SH3D21: variants seen among roughly 807,000 people sequenced by gnomAD.
SH3D21 encodes the protein manchette microtubule inner protein 1, also known as SH3 domain-containing protein 21.
SH3D21 carries 83 observed loss-of-function variants against 82.1 expected under a neutral mutation model. That is an observed-to-expected ratio of 1.01 (90% CI 0.85 to 1.21). The LOEUF is 1.21. Ranked by LOEUF, SH3D21 falls within the 50% of genes most tolerant of loss-of-function variation. The pLI, the probability that SH3D21 is intolerant of heterozygous loss-of-function variation, is 0.00. For missense variants in SH3D21, 980 were observed against 962.1 expected (o/e 1.02, Z -0.25); for synonymous variants, 383 against 387.8 (o/e 0.99, Z 0.15).
chr1:36,320,155 A>G lies in SH3D21; in HGVS notation c.1492A>G (p.Arg498Gly). Reference sequence around the variant, plus strand: ...GCTTTCTGAAGAAGAGGTGTCCACCAGAGATGACATTCAATTCCATCACTT... The same window carrying G: ...GCTTTCTGAAGAAGAGGTGTCCACCGGAGATGACATTCAATTCCATCACTT... ...PELSEEEVSTRDDIQFHHFSS... is the reference protein window; with the variant it reads ...PELSEEEVSTGDDIQFHHFSS... The change falls in exon 14 of 16, where the codon AGA becomes GGA. Residue 498 changes from arginine (R) to glycine (G), a missense_variant. Coordinates refer to ENST00000453908, the MANE Select transcript of SH3D21 (RefSeq NM_001162530.2). 6.2e-7 allele frequency: 1 copy of G among 1,613,874 alleles called. No homozygotes were observed. Among genetic ancestry groups the G allele is most frequent in the Non-Finnish European group, 8.5e-7 (1 of 1,180,042 alleles).
At position 36,309,616 on chromosome 1, in the gene SH3D21, G is replaced by C. The variant is rs762191150; in HGVS notation, c.769+26G>C. 2.6e-6 allele frequency: 4 copies of C among 1,548,694 alleles called. No individual in the cohort carries two copies. The African/African-American group carries it at 5.6e-5, about 22-fold the overall frequency. The stretch of plus-strand genomic sequence containing the variant: ...GTGAGTGCCCGGGGAGCCTGGGATT[G>C]GGGGGTGTTCTCTGGGAGACCCACC... On this transcript the variant is annotated intron_variant, in intron 10 of 15. Coordinates refer to ENST00000453908, the MANE Select transcript of SH3D21 (RefSeq NM_001162530.2).
rs948510615 is a variant in SH3D21 at position 36,320,410 on chromosome 1, G to A, written c.1747G>A (p.Glu583Lys). 6.8e-6 allele frequency: 11 copies of A among 1,613,424 alleles called. No homozygotes were observed. In the Admixed American group the frequency reaches 1.3e-4, roughly 20 times the overall value. ...TGCCCTTGAGAAGCCCCACCCCCAC[G>A]AAGAGGCTACAACCCTTCCAGAGGA... ...RPALEKPHPH[E>K]EATTLPEEAP... Residue 583 changes from glutamate (E) to lysine (K), a missense_variant, in exon 14 of 16, where the codon GAA (glutamate) becomes AAA (lysine). By Grantham distance (56) the Glu-to-Lys change is moderately conservative. Transcript: ENST00000453908.
At chr1:36,310,929 G>A (rs1256687362) in intron 10 of SH3D21, among the ~76,000 whole-genome samples, 1 of 151,676 alleles carries the variant, frequency 6.6e-6, no homozygotes, top group Non-Finnish European at 1.5e-5. Context: ...TTTTTATGGA[G>A]ACAGAGTCTC....
At chr1:36,309,977 C>T (rs993164283) in intron 10 of SH3D21, among the ~76,000 whole-genome samples, 3 of 151,988 alleles carry the variant, frequency 2.0e-5, no homozygotes, top group South Asian at 2.1e-4. Context: ...TTTTTTGAGA[C>T]GGAGTCTCAC....
Position 36,321,277 on chromosome 1 carries a change from GC to G in SH3D21, c.*152del. ...GGGGCGGGGCCTGCGCGGGGGCAGG[GC>G]CTGGGCCTCCGCATTCCTGACGGTC... On this transcript the variant is annotated 3_prime_UTR_variant, in exon 16 of 16. Coordinates refer to ENST00000453908, the MANE Select transcript of SH3D21 (RefSeq NM_001162530.2). The surrounding 1 kb of genome is among the most constrained non-coding windows in gnomAD (Gnocchi z 6.1). 3 of 1,449,158 alleles carry G rather than the reference GC, an allele frequency of 2.1e-6. No individual in the cohort carries two copies. The highest frequency in any genetic ancestry group is 5.4e-5 in the Admixed American group (2 of 37,344). 89.8% of individuals were successfully genotyped at this position (1,449,158 alleles called of 1,614,324 possible).
chr1:36,309,783 A>C (rs1646201907), intron 10 of SH3D21, among the ~76,000 whole-genome samples, 193 bp downstream of exon 10: 1 of 152,054 alleles, frequency 6.6e-6, no homozygotes. Context: ...TTAATATGTC[A>C]GTGTTGCTCT....
At chr1:36,317,228 A>T (rs1239363945) in intron 10 of SH3D21, among the ~76,000 whole-genome samples, 1 of 152,134 alleles carries the variant, frequency 6.6e-6, no homozygotes, top group Non-Finnish European at 1.5e-5. Context: ...GGTGTGTGTT[A>T]GTTGTCCATG....
chr1:36,323,239 C>T (rs1380734409), downstream of SH3D21, among the ~76,000 whole-genome samples: 1 of 152,224 alleles, frequency 6.6e-6, no homozygotes, highest in African/African-American at 2.4e-5. Context: ...CTCCCGGGCG[C>T]GGACGCCCCT....
rs976225246 is a variant in SH3D21, at chr1:36,306,891, G to C, written c.212G>C (p.Cys71Ser). Residue 71 changes from cysteine (C) to serine (S), a missense_variant, in exon 3 of 16, where the codon TGT becomes TCT. Coordinates refer to ENST00000453908, the MANE Select transcript of SH3D21 (RefSeq NM_001162530.2). This position sits in a 1 kb window ranked among gnomAD's most constrained non-coding sequence, Gnocchi z 4.5. Reference sequence around the variant, plus strand: ...TCCGGAGAGGCGCGGAGGCCGCGCTGTGCGCGCCGCCGAGGTGAGCGCAAG... The same window carrying C: ...TCCGGAGAGGCGCGGAGGCCGCGCTCTGCGCGCCGCCGAGGTGAGCGCAAG... ...RGSGEARRPRCARRRGHPAKH... is the reference protein window; with the variant it reads ...RGSGEARRPRSARRRGHPAKH... 3 of 1,311,848 alleles carry C rather than the reference G, an allele frequency of 2.3e-6. No individual in the cohort carries two copies. The highest frequency in any genetic ancestry group is 3.1e-5 in the African/African-American group (2 of 64,458). 81.3% of individuals were successfully genotyped at this position (1,311,848 alleles called of 1,614,324 possible). A position where few individuals can be genotyped will look rare whatever the true frequency, so the allele number is the denominator to read the frequency against.
Position 36,319,762 on chromosome 1 carries a change from G to C in SH3D21, c.1099G>C (p.Ala367Pro). ...DKTATPERPP[A>P]PENAPSSKKI... ...GACTGCCACCCCAGAGAGGCCCCCA[G>C]CTCCAGAGAACGCCCCCAGCTCCAA... The change falls in exon 14 of 16, where the codon GCT becomes CCT. Residue 367 changes from alanine to proline, a missense_variant. Ala to Pro is a conservative substitution (Grantham distance 27). Transcript: ENST00000453908. The C allele has an allele frequency of 6.2e-7, 1 of 1,609,614 alleles. No homozygotes were observed.
chr1:36,322,651 C>T (rs1483548153), downstream of SH3D21: 2 of 1,546,476 alleles, frequency 1.3e-6, no homozygotes, highest in African/African-American at 1.4e-5. Context: ...ATGCTGATGA[C>T]GAGCAGGCAG....
Position 36,320,668 on chromosome 1 carries a change from A to G in SH3D21, c.2005A>G (p.Thr669Ala). 2.5e-6 allele frequency: 4 copies of G among 1,614,254 alleles called. No individual in the cohort carries two copies. Among genetic ancestry groups the G allele is most frequent in the Non-Finnish European group, 3.4e-6 (4 of 1,180,042 alleles). Residue 669 changes from threonine to alanine, a missense_variant, in exon 14 of 16, where the codon ACG becomes GCG. Physicochemically the swap from Thr to Ala is moderately conservative, Grantham distance 58 (BLOSUM62 0). Transcript: ENST00000453908. ...PIKPPPDSQETLALPSLVPQN... is the reference protein window; with the variant it reads ...PIKPPPDSQEALALPSLVPQN... ...CAAGCCGCCTCCAGACTCCCAAGAG[A>G]CGCTCGCGCTCCCCTCGCTGGTCCC...
Position 36,320,245 on chromosome 1 carries a change from G to T in SH3D21, c.1582G>T (p.Glu528Ter). Reference protein sequence around the residue: ...FVAKEDPSSQEEAHTPEAPPP... With the variant: ...FVAKEDPSSQ Reference sequence around the variant, plus strand: ...AGCCAAAGAGGATCCATCATCCCAGGAGGAGGCCCACACGCCAGAGGCACC... The same window carrying T: ...AGCCAAAGAGGATCCATCATCCCAGTAGGAGGCCCACACGCCAGAGGCACC... Residue 528 changes from glutamate (E) to a stop codon, truncating the protein, a stop_gained, in exon 14 of 16, where the codon GAG becomes TAG. Coordinates refer to ENST00000453908, the MANE Select transcript of SH3D21 (RefSeq NM_001162530.2). LOFTEE classifies it high-confidence loss of function. 6.2e-7 allele frequency: 1 copy of T among 1,613,108 alleles called. No homozygotes were observed. The highest frequency in any genetic ancestry group is 2.2e-5 in the East Asian group (1 of 44,874).
rs368154882 is a variant in SH3D21 at position 36,320,312 on chromosome 1, T to C, written c.1649T>C (p.Met550Thr). Residue 550 changes from methionine to threonine, a missense_variant, in exon 14 of 16, where the codon ATG becomes ACG. Physicochemically the swap from Met to Thr is moderately conservative, Grantham distance 81. Transcript: ENST00000453908. Reference sequence around the variant, plus strand: ...TCCTCAGAGAGGTGCCTGGGAGAGATGAAATGTACCCTAGTTAGAGGGGAC... The same window carrying C: ...TCCTCAGAGAGGTGCCTGGGAGAGACGAAATGTACCCTAGTTAGAGGGGAC... ...PPSSERCLGEMKCTLVRGDSS... is the reference protein window; with the variant it reads ...PPSSERCLGETKCTLVRGDSS... The C allele has an allele frequency of 3.7e-5, 60 of 1,612,744 alleles. No individual in the cohort carries two copies. Among genetic ancestry groups the C allele is most frequent in the Non-Finnish European group, 4.9e-5 (58 of 1,179,872 alleles).
intron 13 of SH3D21, 30 bp downstream of exon 13, chr1:36,319,566 G>A: frequency 1.9e-6 from 3 of 1,551,512 alleles, no homozygotes; most frequent in Non-Finnish European, 2.6e-6. Flanking sequence ...GGAGAGTGGG[G>A]ATGCTGGGCA....
At chr1:36,327,985 ATCCCAAC>A (rs1473252177), downstream of SH3D21, 1 of 711,034 alleles carries the variant, frequency 1.4e-6, no homozygotes, top group Non-Finnish European at 2.2e-6. Flanking sequence ...TCTGGCCCTC[ATCCCAAC>A]TATCCACCTG....
intron 10 of SH3D21, among the ~76,000 whole-genome samples, chr1:36,314,381 G>A (rs1366046779): frequency 1.3e-5 from 2 of 151,556 alleles, no homozygotes; most frequent in Non-Finnish European, 2.9e-5. Context: ...TATTGAGGAA[G>A]AGTTCTCTAT....
chr1:36,321,495 G>T, downstream of SH3D21: 1 of 859,018 alleles, frequency 1.2e-6, no homozygotes, highest in Non-Finnish European at 1.5e-6. This position sits in a 1 kb window ranked among gnomAD's most constrained non-coding sequence, Gnocchi z 6.1. Context: ...CTAGATTCCG[G>T]AATCCAGCTG....
chr1:36,319,513 C>T lies in SH3D21; in HGVS notation c.988C>T (p.Gln330Ter). The change falls in exon 13 of 16, where the codon CAG becomes TAG. Residue 330 changes from glutamine (Q) to a stop codon, truncating the protein, a stop_gained. Transcript: ENST00000453908. LOFTEE classifies it high-confidence loss of function. ...GRKRSKTQTP[Q>*]QRSVSSQEEE... ...AAAGCGATCCAAAACCCAGACTCCC[C>T]AGCAACGCTCTGTGTCCAGTCAGGT... The T allele has an allele frequency of 2.6e-6, 4 of 1,551,704 alleles. No individual in the cohort carries two copies. The highest frequency in any genetic ancestry group is 3.5e-6 in the Non-Finnish European group (4 of 1,146,988).
Sources: allele counts gnomAD v4.1 joint callset (sites outside exome capture counted in the v4.1 genomes callset), GRCh38; gene constraint gnomAD v4.1.1; non-coding constraint Gnocchi (gnomAD v3.1); transcripts MANE v1.5; gene names NCBI Gene and HGNC (gene_info 2026-07-23, HGNC 2026-07-21).